PPP1R1C: variants seen among roughly 807,000 people sequenced by gnomAD.
PPP1R1C encodes the protein protein phosphatase 1 regulatory inhibitor subunit 1C.
PPP1R1C carries 15 observed loss-of-function variants against 17.4 expected under a neutral mutation model. That is an observed-to-expected ratio of 0.86 (90% CI 0.58 to 1.33). The LOEUF (loss-of-function observed/expected upper bound fraction) is 1.33, where lower values mean the gene tolerates loss of function less well. Among genes scored for constraint, PPP1R1C ranks in the 40% most tolerant of loss-of-function variants. The pLI, the probability that PPP1R1C is intolerant of heterozygous loss-of-function variation, is 0.00. For missense variants in PPP1R1C, 143 were observed against 130.0 expected, an observed-to-expected ratio of 1.10 and a Z score of -0.48; for synonymous variants, 35 against 43.1, an observed-to-expected ratio of 0.81 and a Z score of 0.73.
At position 182,024,952 on chromosome 2, in the gene PPP1R1C, C is replaced by CT. The variant is rs527611180; in HGVS notation, c.143-36477dup. 6.6e-3 allele frequency among the ~76,000 whole-genome samples: 887 copies of CT among 134,364 alleles called. 5 individuals carry two copies. Among genetic ancestry groups the CT allele is most frequent in the African/African-American group, 0.022 (731 of 33,810 alleles). 88.1% of individuals were successfully genotyped at this position (134,364 alleles called of 152,430 possible). ...TAAATTAAAAAATTAATATATTCTT[C>CT]TTTTTTTTTTTTTAATGGGTACAAT... On this transcript the variant is annotated intron_variant, in intron 2 of 4. Coordinates refer to ENST00000682840, the MANE Select transcript of PPP1R1C (RefSeq NM_001080545.3).
chr2:182,098,026 T>C (rs977403662), intron 4 of PPP1R1C, among the ~76,000 whole-genome samples: 1 of 152,056 alleles, frequency 6.6e-6, no homozygotes, highest in Non-Finnish European at 1.5e-5. Flanking sequence ...GCTTAGTCCT[T>C]CTCTTCTTCT....
At chr2:182,044,181 A>G (rs1419803663) in intron 2 of PPP1R1C, among the ~76,000 whole-genome samples, 1 of 152,146 alleles carries the variant, frequency 6.6e-6, no homozygotes, top group African/African-American at 2.4e-5. Flanking sequence ...GACTCCTCCA[A>G]TTCATTCTCC....
intron 4 of PPP1R1C, among the ~76,000 whole-genome samples, chr2:182,072,940 A>C (rs1057499174): frequency 2.6e-5 from 4 of 152,178 alleles, no homozygotes; most frequent in African/African-American, 9.7e-5. Flanking sequence ...ATTCCTTTAG[A>C]GTAAGTCCCT....
At chr2:182,120,665 T>C (rs1160357206), downstream of PPP1R1C, among the ~76,000 whole-genome samples, 3 of 152,212 alleles carry the variant, frequency 2.0e-5, no homozygotes, top group Admixed American at 1.3e-4. Flanking sequence ...TGAGAGTATT[T>C]GAGACACCCT....
intron 2 of PPP1R1C, among the ~76,000 whole-genome samples, chr2:182,009,643 T>C (rs1423217611): frequency 6.6e-6 from 1 of 152,142 alleles, no homozygotes; most frequent in East Asian, 1.9e-4. Context: ...ATGATTCTAT[T>C]TGTCCATTTT....
At chr2:182,106,926 T>C (rs1245923068) in intron 4 of PPP1R1C, among the ~76,000 whole-genome samples, 2 of 152,134 alleles carry the variant, frequency 1.3e-5, no homozygotes, top group Non-Finnish European at 2.9e-5. Flanking sequence ...ACACCCCCAC[T>C]GCATGCCCTT....
intron 2 of PPP1R1C, among the ~76,000 whole-genome samples, chr2:182,024,479 A>G (rs1259045400): frequency 6.6e-6 from 1 of 152,132 alleles, no homozygotes; most frequent in East Asian, 1.9e-4. Context: ...ATGTAAAATT[A>G]TCTTTAAAGA....
At chr2:182,051,041 A>C (rs970157541) in intron 2 of PPP1R1C, among the ~76,000 whole-genome samples, 7 of 152,240 alleles carry the variant, frequency 4.6e-5, no homozygotes, top group African/African-American at 1.7e-4. Context: ...CACAGGCTGG[A>C]TGTGAAAATA....
At chr2:182,046,397 A>G (rs919707916) in intron 2 of PPP1R1C, among the ~76,000 whole-genome samples, 7 of 152,082 alleles carry the variant, frequency 4.6e-5, no homozygotes, top group African/African-American at 1.7e-4. Flanking sequence ...CAGTTTTTAT[A>G]CATGAATGAT....
intron 2 of PPP1R1C, among the ~76,000 whole-genome samples, chr2:182,029,149 G>A (rs1686726626): frequency 1.4e-5 from 2 of 144,864 alleles, no homozygotes; most frequent in African/African-American, 5.2e-5. Flanking sequence ...ACACTGATGG[G>A]TCTTGACTCT....
chr2:182,078,354 G>A (rs1367867418), intron 4 of PPP1R1C, among the ~76,000 whole-genome samples: 2 of 152,062 alleles, frequency 1.3e-5, no homozygotes, highest in East Asian at 1.9e-4. Flanking sequence ...TAAAAAGCAG[G>A]CTCTAGATAG....
chr2:182,072,587 T>C (rs1688172132), intron 4 of PPP1R1C, among the ~76,000 whole-genome samples: 1 of 152,192 alleles, frequency 6.6e-6, no homozygotes, highest in South Asian at 2.1e-4. Context: ...CTGAGCCTTT[T>C]TTTAGGGTGT....
chr2:181,959,836 T>C (rs967620858), intron 1 of PPP1R1C, among the ~76,000 whole-genome samples: 2 of 152,186 alleles, frequency 1.3e-5, no homozygotes, highest in Non-Finnish European at 2.9e-5. Context: ...TTTACTAGTA[T>C]GACTTTAGCT....
intron 4 of PPP1R1C, among the ~76,000 whole-genome samples, chr2:182,068,049 C>G (rs1226605247): frequency 1.3e-5 from 2 of 152,096 alleles, no homozygotes. Flanking sequence ...GTTATTTTAG[C>G]AAGTCCTTGA....
At chr2:182,032,023 A>G (rs531313238) in intron 2 of PPP1R1C, among the ~76,000 whole-genome samples, 6 of 152,276 alleles carry the variant, frequency 3.9e-5, no homozygotes, top group African/African-American at 1.4e-4. Flanking sequence ...ATCAGTTTAA[A>G]GTTTAGTATT....
At chr2:182,062,890 A>C (rs1453973817) in intron 3 of PPP1R1C, among the ~76,000 whole-genome samples, 1 of 152,136 alleles carries the variant, frequency 6.6e-6, no homozygotes, top group Non-Finnish European at 1.5e-5. Flanking sequence ...ATTGCCCCAG[A>C]TGCAAAAACT....
chr2:182,067,763 A>G (rs1688028062), intron 4 of PPP1R1C, among the ~76,000 whole-genome samples: 1 of 152,172 alleles, frequency 6.6e-6, no homozygotes, highest in Non-Finnish European at 1.5e-5. Context: ...CAGTTAAGGC[A>G]AGCCACATAT....
intron 4 of PPP1R1C, among the ~76,000 whole-genome samples, chr2:182,076,553 C>T (rs1281547433): frequency 1.3e-5 from 2 of 151,672 alleles, no homozygotes; most frequent in African/African-American, 4.8e-5. Context: ...TGATTTCATA[C>T]ACTGCACTCA....
intron 1 of PPP1R1C, among the ~76,000 whole-genome samples, chr2:181,973,143 C>T (rs1455317182): frequency 6.6e-6 from 1 of 152,162 alleles, no homozygotes; most frequent in Non-Finnish European, 1.5e-5. Context: ...GCATCTTTGA[C>T]TCATAGGCCA....
Sources: allele counts gnomAD v4.1 joint callset (sites outside exome capture counted in the v4.1 genomes callset), GRCh38; gene constraint gnomAD v4.1.1; transcripts MANE v1.5; gene names NCBI Gene and HGNC (gene_info 2026-07-23, HGNC 2026-07-21).